The following TP73 variants were observed in gnomAD, a reference collection of about 807,000 sequenced individuals.
TP73 encodes the protein p53-like transcription factor.
TP73 carries 25 observed loss-of-function variants against 62.5 expected under a neutral mutation model. That is an observed-to-expected ratio of 0.40 (90% CI 0.29 to 0.56). The LOEUF (loss-of-function observed/expected upper bound fraction) is 0.56, where lower values mean the gene tolerates loss of function less well. TP73 is among the 20% of genes least tolerant of loss of function. TP73 has a pLI of 0.46. For synonymous variants in TP73, 423 were observed against 377.5 expected (o/e 1.12, Z -1.40); for missense variants, 754 against 913.3 (o/e 0.83, Z 2.25).
chr1:3,715,685 C>T (rs1640534437), intron 4 of TP73, among the ~76,000 whole-genome samples: 1 of 152,198 alleles, frequency 6.6e-6, no homozygotes, highest in Admixed American at 6.5e-5. Context: ...GTCTCCACAC[C>T]AACAGAGGCA....
chr1:3,719,890 T>TTG (rs5772122), intron 4 of TP73, among the ~76,000 whole-genome samples: 39,575 of 131,774 alleles, frequency 0.3, 5,698 homozygotes, highest in Non-Finnish European at 0.31. Context: ...TTTTTTCTCT[T>TTG]TGTGTGTGTG....
At chr1:3,718,201 A>G (rs1391044895) in intron 4 of TP73, among the ~76,000 whole-genome samples, 1 of 152,132 alleles carries the variant, frequency 6.6e-6, no homozygotes, top group South Asian at 2.1e-4. Flanking sequence ...GGCGCGCCCA[A>G]GCTCCTCCCC....
intron 1 of TP73, among the ~76,000 whole-genome samples, chr1:3,659,991 A>C (rs1296635092): frequency 6.6e-6 from 1 of 152,180 alleles, no homozygotes; most frequent in African/African-American, 2.4e-5. Flanking sequence ...AGTCAGATTA[A>C]CTTGTTTGTA....
At chr1:3,707,487 AGACGG>A (rs1639759859) in intron 3 of TP73, 57 bp from the exon 4 acceptor site, 9 of 1,563,862 alleles carry the variant, frequency 5.8e-6, no homozygotes, top group Middle Eastern at 3.4e-4. Context: ...GACACCTCCT[AGACGG>A]GACAGGACGA....
At chr1:3,703,846 G>C (rs1454285880) in intron 3 of TP73, among the ~76,000 whole-genome samples, 1 of 152,196 alleles carries the variant, frequency 6.6e-6, no homozygotes, top group African/African-American at 2.4e-5. Flanking sequence ...TTGCCCGGGG[G>C]ACTCAAATGA....
intron 8 of TP73, among the ~76,000 whole-genome samples, 161 bp downstream of exon 8, chr1:3,727,931 G>A (rs1641809870): frequency 6.6e-6 from 1 of 152,206 alleles, no homozygotes. Flanking sequence ...CCCCATATAA[G>A]TCGCTTGTCC....
At chr1:3,681,226 G>T (rs536270774) in intron 1 of TP73, among the ~76,000 whole-genome samples, 1 of 152,348 alleles carries the variant, frequency 6.6e-6, no homozygotes, top group Non-Finnish European at 1.5e-5. Flanking sequence ...GCTGGCCGTG[G>T]GCAGGTCCAG....
Position 3,672,033 on chromosome 1 carries a change from G to A in TP73, c.-33-10300G>A, listed in dbSNP as rs1645253279. On this transcript the variant is annotated intron_variant, in intron 1 of 13. Coordinates refer to ENST00000378295, the MANE Select transcript of TP73 (RefSeq NM_005427.4). The surrounding 1 kb of genome is among the most constrained non-coding windows in gnomAD (Gnocchi z 5.3). ...TGACAAGTTCAGGGAGTTGACAGCTGTCTGGAAGGGCACGTCTGCTCAGAC... is the reference window on the plus strand; with the variant it reads ...TGACAAGTTCAGGGAGTTGACAGCTATCTGGAAGGGCACGTCTGCTCAGAC... Among the ~76,000 whole-genome samples the A allele has an allele frequency of 6.6e-6, 1 of 152,192 alleles. No individual in the cohort carries two copies. Among genetic ancestry groups the A allele is most frequent in the East Asian group, 1.9e-4 (1 of 5,196 alleles).
chr1:3,716,555 C>T lies in TP73; in HGVS notation c.430-5466C>T, dbSNP rs374125942. Reference sequence around the variant, plus strand: ...TCCCTGGGGCAGGGAGGGACCAGCCCTGTGACATCCTGCCAGGCCTCCCTG... The same window carrying T: ...TCCCTGGGGCAGGGAGGGACCAGCCTTGTGACATCCTGCCAGGCCTCCCTG... On this transcript the variant is annotated intron_variant, in intron 4 of 13. Transcript: ENST00000378295. 3.9e-3 allele frequency among the ~76,000 whole-genome samples: 595 copies of T among 152,326 alleles called. 4 individuals are homozygous for T. The highest frequency in any genetic ancestry group is 0.014 in the African/African-American group (565 of 41,566).
At chr1:3,704,001 C>T (rs1054465732) in intron 3 of TP73, among the ~76,000 whole-genome samples, 4 of 152,142 alleles carry the variant, frequency 2.6e-5, no homozygotes, top group Non-Finnish European at 4.4e-5. Flanking sequence ...ACCCGGTACC[C>T]GGTGATGGGA....
chr1:3,711,789 C>G (rs1000930615), intron 4 of TP73, among the ~76,000 whole-genome samples: 5 of 152,202 alleles, frequency 3.3e-5, no homozygotes, highest in African/African-American at 1.2e-4. Context: ...GACACAGCCC[C>G]CTGAGTGCCC....
At chr1:3,703,185 CA>C (rs1446956856) in intron 3 of TP73, among the ~76,000 whole-genome samples, 2 of 152,222 alleles carry the variant, frequency 1.3e-5, no homozygotes, top group African/African-American at 2.4e-5. Flanking sequence ...GGGGGTGTGA[CA>C]GGGGCGGTGA....
chr1:3,689,093 C>A (rs182551955), intron 3 of TP73, among the ~76,000 whole-genome samples: 1 of 152,120 alleles, frequency 6.6e-6, no homozygotes, highest in Non-Finnish European at 1.5e-5. Flanking sequence ...GGGGAGCCCG[C>A]CCCCAACCCA....
chr1:3,658,254 G>A (rs972120936), intron 1 of TP73, among the ~76,000 whole-genome samples: 2 of 152,244 alleles, frequency 1.3e-5, no homozygotes, highest in African/African-American at 4.8e-5. Flanking sequence ...GTTCCCCAAA[G>A]AGCAAGCTGT....
At chr1:3,676,358 TG>T (rs913259744) in intron 1 of TP73, among the ~76,000 whole-genome samples, 1 of 26,418 alleles carries the variant, frequency 3.8e-5, no homozygotes, top group African/African-American at 1.5e-4. Flanking sequence ...GGATAGAAGA[TG>T]GGGGGCTAGG....
chr1:3,729,356 G>C lies in TP73; in HGVS notation c.1104G>C (p.Leu368=), dbSNP rs1038096807. The C allele has an allele frequency of 6.2e-7, 1 of 1,613,314 alleles. No homozygotes were observed. ...QVRGRENFEI[L]MKLKESLELM... ...GAGGCCGGGAGAACTTTGAGATCCTGATGAAGCTGAAAGAGAGCCTGGAGC... is the reference window on the plus strand; with the variant it reads ...GAGGCCGGGAGAACTTTGAGATCCTCATGAAGCTGAAAGAGAGCCTGGAGC... The change falls in exon 10 of 14, where the codon CTG becomes CTC. Residue 368 remains leucine (L), a synonymous_variant. Coordinates refer to ENST00000378295, the MANE Select transcript of TP73 (RefSeq NM_005427.4).
At position 3,663,454 on chromosome 1, in the gene TP73, G is replaced by A. The variant is rs564758597; in HGVS notation, c.-34+10813G>A. The stretch of plus-strand genomic sequence containing the variant: ...CAGGCGGCTGGGCGTGGTGGCTCAC[G>A]CCTGTAATCCCAGCACTTTGGGAGG... On this transcript the variant is annotated intron_variant, in intron 1 of 13. Transcript: ENST00000378295. The surrounding 1 kb of genome is among the most constrained non-coding windows in gnomAD (Gnocchi z 4.7). Among the ~76,000 whole-genome samples the A allele has an allele frequency of 3.3e-5, 5 of 152,300 alleles. No individual in the cohort carries two copies. The highest frequency in any genetic ancestry group is 4.1e-4 in the South Asian group (2 of 4,826).
At chr1:3,705,735 G>A (rs1350429715) in intron 3 of TP73, among the ~76,000 whole-genome samples, 3 of 152,252 alleles carry the variant, frequency 2.0e-5, no homozygotes, top group African/African-American at 4.8e-5. Flanking sequence ...CTGCCTCCAC[G>A]TTGGACTGCA....
intron 3 of TP73, among the ~76,000 whole-genome samples, chr1:3,685,832 G>C (rs1645640350): frequency 6.6e-6 from 1 of 152,232 alleles, no homozygotes. Flanking sequence ...GTTCAGTGCG[G>C]ATGCGGGCAT....
Sources: allele counts gnomAD v4.1 joint callset (sites outside exome capture counted in the v4.1 genomes callset), GRCh38; gene constraint gnomAD v4.1.1; non-coding constraint Gnocchi (gnomAD v3.1); transcripts MANE v1.5; gene names NCBI Gene and HGNC (gene_info 2026-07-23, HGNC 2026-07-21).